The following DCAF1 variants were observed in gnomAD, a reference collection of about 807,000 sequenced individuals.
DCAF1 encodes DDB1- and CUL4-associated factor 1.
In DCAF1, 15 loss-of-function variants were observed where a neutral mutation model predicts 128.0. That is an observed-to-expected ratio of 0.12 (90% confidence interval 0.08 to 0.18). The LOEUF (loss-of-function observed/expected upper bound fraction) is 0.18, where lower values mean the gene tolerates loss of function less well. Ranked by LOEUF, DCAF1 falls within the 10% of genes least tolerant of loss-of-function variation. The probability of loss-of-function intolerance (pLI) is 1.00; values close to 1 mark genes in which losing one functional copy is unlikely to be tolerated. For synonymous variants in DCAF1, 610 were observed against 603.0 expected, an observed-to-expected ratio of 1.01 and a Z score of -0.17; for missense variants, 988 against 1,649.5, an observed-to-expected ratio of 0.60 and a Z score of 6.95.
chr3:51,412,004 T>C (rs933825481), intron 23 of DCAF1, among the ~76,000 whole-genome samples: 1 of 150,374 alleles, frequency 6.7e-6, no homozygotes, highest in East Asian at 2.0e-4. Flanking sequence ...TCCCAGCTAC[T>C]TGGGAGGCTG....
intron 6 of DCAF1, among the ~76,000 whole-genome samples, chr3:51,454,799 G>T (rs886309949): frequency 6.6e-6 from 1 of 150,834 alleles, no homozygotes; most frequent in Admixed American, 6.6e-5. Context: ...TCAGCCTCCC[G>T]AGTAGCTGGG....
intron 14 of DCAF1, among the ~76,000 whole-genome samples, chr3:51,421,824 C>T (rs1190992946): frequency 6.6e-6 from 1 of 152,048 alleles, no homozygotes; most frequent in African/African-American, 2.4e-5. Flanking sequence ...GGTTTCTACC[C>T]ATTTTGAGCT....
chr3:51,501,054 C>T (rs1221737958), upstream of DCAF1, among the ~76,000 whole-genome samples: 1 of 152,110 alleles, frequency 6.6e-6, no homozygotes. Context: ...TAGGCTCAAA[C>T]GATTCTCCTG....
In DCAF1 at chr3:51,406,342, CAAAAAAAAAAAA is replaced by C. The variant is rs782324969; in HGVS notation, c.4213-2959_4213-2948del. 5.8e-4 allele frequency among the ~76,000 whole-genome samples: 28 copies of C among 48,216 alleles called. No homozygotes were observed. In the South Asian group the frequency reaches 0.025, roughly 43 times the overall value. The allele number at this position is 48,216 out of a possible 152,430, so 31.6% of individuals were successfully genotyped here. A position where few individuals can be genotyped will look rare whatever the true frequency, so the allele number is the denominator to read the frequency against. ...TGGACAACAGAGCAAGACTCTGTCT[CAAAAAAAAAAAA>C]AAAAAAAAAAACCAAATTTTTCTAG... is the stretch of plus-strand genomic sequence containing the variant. On this transcript the variant is annotated intron_variant, in intron 23 of 24. Transcript: ENST00000684031.
At chr3:51,470,873 A>G in intron 4 of DCAF1, 56 bp downstream of exon 4, 1 of 1,332,032 alleles carries the variant, frequency 7.5e-7, no homozygotes, top group Non-Finnish European at 1.0e-6. Context: ...CCTCGCTTTA[A>G]TAAAAGTGTC....
intron 4 of DCAF1, among the ~76,000 whole-genome samples, chr3:51,469,390 C>T (rs1704489030): frequency 6.6e-6 from 1 of 151,914 alleles, no homozygotes; most frequent in South Asian, 2.1e-4. Flanking sequence ...GCCATCATGT[C>T]TGGCTAATTT....
intron 6 of DCAF1, among the ~76,000 whole-genome samples, chr3:51,458,129 A>G (rs1553643398): frequency 6.6e-6 from 1 of 152,180 alleles, no homozygotes. Flanking sequence ...AAATTGGATA[A>G]AGAGTCAAGA....
intron 23 of DCAF1, among the ~76,000 whole-genome samples, chr3:51,410,755 G>A (rs1698329634): frequency 6.6e-6 from 1 of 152,222 alleles, no homozygotes. Flanking sequence ...AAAAAGTAGG[G>A]AAGGATGAGG....
chr3:51,475,862 T>TAA (rs1166826242), intron 3 of DCAF1, among the ~76,000 whole-genome samples: 1 of 137,204 alleles, frequency 7.3e-6, no homozygotes, highest in Admixed American at 7.3e-5. Context: ...CTATGTCTCA[T>TAA]AAAAAAAAAA....
At chr3:51,464,497 C>T (rs1414566384) in intron 5 of DCAF1, among the ~76,000 whole-genome samples, 5 of 151,798 alleles carry the variant, frequency 3.3e-5, no homozygotes, top group Admixed American at 2.6e-4. Context: ...GAGTTCAAGA[C>T]CAGCCTGGGC....
chr3:51,451,066 A>ATTTTT (rs1559527264), intron 6 of DCAF1, among the ~76,000 whole-genome samples: 5 of 32,760 alleles, frequency 1.5e-4, no homozygotes, highest in Admixed American at 3.6e-4. Flanking sequence ...TAAAAAGGAA[A>ATTTTT]TTCTTTTTTT....
rs1553623649 is a variant in DCAF1 at position 51,398,039 on chromosome 3, T to C, written c.*730A>G. The C allele has an allele frequency of 1.3e-5, 2 of 158,016 alleles. No individual in the cohort carries two copies. The highest frequency in any genetic ancestry group is 2.9e-5 in the Non-Finnish European group (2 of 68,022). 9.8% of individuals were successfully genotyped at this position (158,016 alleles called of 1,614,324 possible). A position where few individuals can be genotyped will look rare whatever the true frequency, so the allele number is the denominator to read the frequency against. ...TTCCCTCAACTCCACAAAACCAATA[T>C]CCACAATGACCATGCTGCCCCCAAA... On this transcript the variant is annotated 3_prime_UTR_variant, in exon 25 of 25. Coordinates refer to ENST00000684031, the MANE Select transcript of DCAF1 (RefSeq NM_001387579.1).
chr3:51,437,979 G>A, intron 9 of DCAF1: 2 of 282,850 alleles, frequency 7.1e-6, no homozygotes, highest in Non-Finnish European at 1.4e-5. Flanking sequence ...TTATAACAAA[G>A]TAACTTATCA....
rs781879249 is a variant in DCAF1, at chr3:51,416,811, G to T, written c.3579C>A (p.Ile1193=). The change falls in exon 18 of 25, where the codon ATC becomes ATA. Residue 1193 remains isoleucine (I), a synonymous_variant. Coordinates refer to ENST00000684031, the MANE Select transcript of DCAF1 (RefSeq NM_001387579.1). ...EFSKHSQDRV[I]GTKGDIAHIY... ...CGTGGGCAATGTCTCCTTTTGTGCC[G>T]ATGACCCGATCCTGGGAGTGCTTAC... 1 of 1,611,432 alleles carries T rather than the reference G, an allele frequency of 6.2e-7. No homozygotes were observed. The highest frequency in any genetic ancestry group is 1.3e-5 in the African/African-American group (1 of 74,992).
intron 6 of DCAF1, among the ~76,000 whole-genome samples, chr3:51,461,569 C>A (rs557277038): frequency 2.4e-4 from 36 of 152,202 alleles, no homozygotes; most frequent in African/African-American, 7.9e-4. Flanking sequence ...TGGGTATATA[C>A]CCAAAGGATT....
intron 5 of DCAF1, among the ~76,000 whole-genome samples, chr3:51,465,032 T>C (rs1379773701): frequency 6.6e-6 from 1 of 152,182 alleles, no homozygotes; most frequent in Non-Finnish European, 1.5e-5. Flanking sequence ...TTCTGGGCTA[T>C]AAAGTGAAGA....
At chr3:51,464,447 C>A (rs1703925583) in intron 5 of DCAF1, among the ~76,000 whole-genome samples, 1 of 151,954 alleles carries the variant, frequency 6.6e-6, no homozygotes, top group Non-Finnish European at 1.5e-5. Flanking sequence ...GTAATCCCAG[C>A]ACATTGGGTG....
At chr3:51,443,978 G>T in intron 6 of DCAF1, 75 bp from the exon 7 acceptor site, 1 of 1,418,128 alleles carries the variant, frequency 7.1e-7, no homozygotes, top group Non-Finnish European at 9.4e-7. Flanking sequence ...AAAGATTTCA[G>T]TCTCATGAAA....
At position 51,398,821 on chromosome 3, in the gene DCAF1, C is replaced by A. The variant is rs372903934; in HGVS notation, c.4472G>T (p.Ser1491Ile). Residue 1491 changes from serine (S) to isoleucine (I), a missense_variant, in exon 25 of 25, where the codon AGC (serine) becomes ATC (isoleucine). Transcript: ENST00000684031. ...ATCTTCCAAATCAGAGTTGTCAGAG[C>A]TGTCAGCTGAAAGGGAAGAAAAGGG... is the stretch of plus-strand genomic sequence containing the variant. ...EVELILGDTD[S>I]SDNSDLEDDI... The A allele has an allele frequency of 3.2e-6, 5 of 1,585,188 alleles. No homozygotes were observed. The highest frequency in any genetic ancestry group is 4.3e-6 in the Non-Finnish European group (5 of 1,164,834).
Sources: gnomAD v4.1 joint callset for allele counts (sites outside exome capture counted in the v4.1 genomes callset) on GRCh38, gnomAD v4.1.1 for gene constraint, MANE v1.5 for transcripts, NCBI Gene and HGNC (gene_info 2026-07-23, HGNC 2026-07-21) for gene names.